The following GPC6 variants were observed in gnomAD, a reference collection of about 807,000 sequenced individuals.
The protein encoded by GPC6 is glypican 6.
In GPC6, 14 loss-of-function variants were observed where a neutral mutation model predicts 55.2. The ratio of observed to expected loss-of-function variants is 0.25; its 90% CI spans 0.17 to 0.40. The LOEUF is 0.40. Among genes scored for constraint, GPC6 ranks in the 10% least tolerant of loss-of-function variants. The pLI is 1.00. For synonymous variants in GPC6, 278 were observed against 259.6 expected (o/e 1.07, Z -0.68); for missense variants, 641 against 708.5 (o/e 0.90, Z 1.08).
chr13:93,221,435 A>G, the GPC6 span, among the ~76,000 whole-genome samples: 1 of 152,176 alleles, frequency 6.6e-6, no homozygotes, highest in Non-Finnish European at 1.5e-5. Flanking sequence ...CTGGCTTCAG[A>G]GTCTTAGAAG....
intron 1 of GPC6, among the ~76,000 whole-genome samples, chr13:93,417,280 A>T (rs1303572393): frequency 6.6e-6 from 1 of 152,076 alleles, no homozygotes; most frequent in Admixed American, 6.6e-5. Context: ...GCCTTGGAGT[A>T]ATGTTAAGTT....
chr13:94,144,316 T>C (rs1887484446), intron 4 of GPC6, among the ~76,000 whole-genome samples: 1 of 151,798 alleles, frequency 6.6e-6, no homozygotes, highest in East Asian at 2.0e-4. Context: ...ATATACGCAG[T>C]GTGGATTTAC....
chr13:94,173,900 T>C (rs1888658633), intron 4 of GPC6, among the ~76,000 whole-genome samples: 1 of 152,192 alleles, frequency 6.6e-6, no homozygotes, highest in South Asian at 2.1e-4. Context: ...AGAGGATCTG[T>C]GGTAACGTAA....
chr13:93,315,681 A>G (rs1879222969), intron 1 of GPC6, among the ~76,000 whole-genome samples: 1 of 151,892 alleles, frequency 6.6e-6, no homozygotes, highest in South Asian at 2.1e-4. Context: ...TGAAGTTTTA[A>G]AAATGTGTAT....
chr13:94,259,826 A>G (rs1266939036), intron 4 of GPC6, among the ~76,000 whole-genome samples: 1 of 152,148 alleles, frequency 6.6e-6, no homozygotes, highest in African/African-American at 2.4e-5. Flanking sequence ...ATATTCTAGC[A>G]TGTGTCATAA....
intron 2 of GPC6, among the ~76,000 whole-genome samples, chr13:93,750,963 TCTC>T (rs1467797403): frequency 2.6e-5 from 4 of 151,948 alleles, no homozygotes; most frequent in African/African-American, 9.7e-5. Context: ...TACATTCACT[TCTC>T]CTCTGGAGAC....
At chr13:93,398,897 G>A (rs1875961065) in intron 1 of GPC6, among the ~76,000 whole-genome samples, 1 of 152,154 alleles carries the variant, frequency 6.6e-6, no homozygotes, top group Admixed American at 6.5e-5. Flanking sequence ...TGCTTTTGTT[G>A]ATTCAGTCCC....
At chr13:93,582,898 A>G (rs763613494) in intron 2 of GPC6, among the ~76,000 whole-genome samples, 2 of 152,336 alleles carry the variant, frequency 1.3e-5, no homozygotes, top group Middle Eastern at 3.4e-3. Flanking sequence ...ACCTAGAGAC[A>G]GTTGTGCAGT....
At chr13:94,149,920 G>A (rs1345397662) in intron 4 of GPC6, among the ~76,000 whole-genome samples, 1 of 152,028 alleles carries the variant, frequency 6.6e-6, no homozygotes, top group Non-Finnish European at 1.5e-5. Context: ...GACTGGAATG[G>A]TATCTTCACC....
At chr13:94,204,452 C>G (rs188312065) in intron 4 of GPC6, among the ~76,000 whole-genome samples, 2 of 152,232 alleles carry the variant, frequency 1.3e-5, no homozygotes, top group Admixed American at 1.3e-4. Flanking sequence ...ATCAATAAAC[C>G]ATTCCTCTAT....
chr13:94,029,546 A>T (rs1308670481), intron 4 of GPC6, among the ~76,000 whole-genome samples: 2 of 152,196 alleles, frequency 1.3e-5, no homozygotes, highest in East Asian at 3.9e-4. Flanking sequence ...ATCTAAAAAG[A>T]TCTGCTTATT....
intron 5 of GPC6, among the ~76,000 whole-genome samples, chr13:94,303,054 G>C (rs2139107467): frequency 6.6e-6 from 1 of 152,374 alleles, no homozygotes. Context: ...AGGGGTGGGA[G>C]TCAGCAGTGG....
intron 3 of GPC6, among the ~76,000 whole-genome samples, chr13:93,986,827 CA>C (rs1881052781): frequency 6.6e-6 from 1 of 152,114 alleles, no homozygotes; most frequent in Non-Finnish European, 1.5e-5. Context: ...TAATATTTTA[CA>C]TGCTATTTTG....
At chr13:93,248,435 G>A (rs1876675308) in intron 1 of GPC6, among the ~76,000 whole-genome samples, 1 of 137,160 alleles carries the variant, frequency 7.3e-6, no homozygotes, top group Non-Finnish European at 1.6e-5. Context: ...CCCACAAAAA[G>A]TGTTTTTTTT....
chr13:93,643,326 C>T (rs1218433834), intron 2 of GPC6, among the ~76,000 whole-genome samples: 1 of 152,040 alleles, frequency 6.6e-6, no homozygotes, highest in Non-Finnish European at 1.5e-5. Context: ...GGGTTCAAAA[C>T]TTTACCTCCT....
intron 1 of GPC6, among the ~76,000 whole-genome samples, chr13:93,392,405 A>G (rs1184540296): frequency 1.3e-5 from 2 of 152,352 alleles, no homozygotes; most frequent in Middle Eastern, 3.4e-3. Flanking sequence ...ATATTTGCAC[A>G]AAGTGCAGTT....
At chr13:93,230,186 T>G (rs1875959854) in intron 1 of GPC6, among the ~76,000 whole-genome samples, 1 of 152,216 alleles carries the variant, frequency 6.6e-6, no homozygotes, top group Non-Finnish European at 1.5e-5. Flanking sequence ...GACAGCTGTT[T>G]CTAATTGAAA....
At chr13:94,191,284 G>T (rs1378204651) in intron 4 of GPC6, among the ~76,000 whole-genome samples, 6 of 152,172 alleles carry the variant, frequency 3.9e-5, no homozygotes, top group African/African-American at 1.4e-4. Flanking sequence ...CCAAGTTAAG[G>T]CTGAATATAA....
At chr13:94,067,890 A>G (rs189983003) in intron 4 of GPC6, among the ~76,000 whole-genome samples, 13 of 152,332 alleles carry the variant, frequency 8.5e-5, no homozygotes, top group African/African-American at 3.1e-4. Context: ...ATATGCTTAA[A>G]TGTAGAGAAC....
Sources: gnomAD v4.1 joint callset for allele counts (sites outside exome capture counted in the v4.1 genomes callset) on GRCh38, gnomAD v4.1.1 for gene constraint, MANE v1.5 for transcripts, NCBI Gene and HGNC (gene_info 2026-07-23, HGNC 2026-07-21) for gene names.